Variants in MTUS2 observed in about 807,000 individuals in gnomAD.
The protein encoded by MTUS2 is microtubule associated scaffold protein 2, also known as microtubule-associated tumor suppressor candidate 2.
A neutral mutation model predicts 114.1 loss-of-function variants in MTUS2; 40 were observed. That is an observed-to-expected ratio of 0.35 (90% confidence interval 0.27 to 0.46). MTUS2 has a LOEUF of 0.46. Ranked by LOEUF, MTUS2 falls within the 20% of genes least tolerant of loss-of-function variation. MTUS2 has a pLI of 1.00. For synonymous variants in MTUS2, 688 were observed against 672.0 expected, an observed-to-expected ratio of 1.02 and a Z score of -0.37; for missense variants, 1,679 against 1,705.4, an observed-to-expected ratio of 0.98 and a Z score of 0.27.
intron 6 of MTUS2, chr13:29,307,862 C>T (rs1899548750): frequency 6.5e-6 from 4 of 613,940 alleles, no homozygotes; most frequent in Admixed American, 4.8e-5. Flanking sequence ...ACTTAGTCCC[C>T]CTCCACACTG....
intron 2 of MTUS2, among the ~76,000 whole-genome samples, chr13:28,894,329 G>GGGGGGA (rs1879130694): frequency 1.6e-5 from 1 of 60,870 alleles, no homozygotes; most frequent in Non-Finnish European, 3.0e-5. Flanking sequence ...AGGGAGGGAG[G>GGGGGGA]GAGAGAGAGA....
In MTUS2 at chr13:29,498,463, C is replaced by A. The variant is rs1882692328; in HGVS notation, c.3724C>A (p.Leu1242Met). 3.1e-6 allele frequency: 5 copies of A among 1,614,116 alleles called. No individual in the cohort carries two copies. The East Asian group carries it at 1.1e-4, about 36-fold the overall frequency. ...GCACTTGGAAGAAGACATGAAGAGT[C>A]TGAAGCAGGTATTAGAAATGAAGAA... ...YQHLEEDMKS[L>M]KQVLEMKNQQ... Residue 1242 changes from leucine (L) to methionine (M), a missense_variant, in exon 14 of 16, where the codon CTG (leucine) becomes ATG (methionine). Physicochemically the swap from Leu to Met is conservative, Grantham distance 15. Transcript: ENST00000612955.
At chr13:29,364,349 G>C (rs1870528882) in intron 8 of MTUS2, among the ~76,000 whole-genome samples, 1 of 152,290 alleles carries the variant, frequency 6.6e-6, no homozygotes, top group African/African-American at 2.4e-5. Context: ...GATGCCTGCT[G>C]TCTGCAGAGT....
At chr13:29,296,838 G>T (rs1898968677) in intron 6 of MTUS2, among the ~76,000 whole-genome samples, 1 of 151,968 alleles carries the variant, frequency 6.6e-6, no homozygotes. Context: ...TTTATATCCT[G>T]GATATTAATC....
chr13:29,102,353 G>T (rs1400429553), intron 5 of MTUS2, among the ~76,000 whole-genome samples: 1 of 152,132 alleles, frequency 6.6e-6, no homozygotes, highest in Admixed American at 6.5e-5. Context: ...AAGGAGTTAA[G>T]ATTTTGATGT....
At chr13:29,398,599 C>T (rs1874093075) in intron 8 of MTUS2, among the ~76,000 whole-genome samples, 1 of 151,554 alleles carries the variant, frequency 6.6e-6, no homozygotes, top group South Asian at 2.1e-4. Flanking sequence ...AAACTAAAAG[C>T]AAAAAATCTA....
intron 5 of MTUS2, among the ~76,000 whole-genome samples, chr13:29,183,747 A>C (rs1894103973): frequency 6.6e-6 from 1 of 152,204 alleles, no homozygotes; most frequent in Non-Finnish European, 1.5e-5. Context: ...AAATGAAAAC[A>C]AATTACTTAA....
intron 5 of MTUS2, among the ~76,000 whole-genome samples, chr13:29,135,861 G>A (rs983874912): frequency 5.3e-5 from 8 of 151,920 alleles, no homozygotes; most frequent in African/African-American, 1.5e-4. Context: ...ACAAAATTAC[G>A]TCTTTATTTG....
At chr13:28,903,029 A>G (rs986067806) in intron 2 of MTUS2, among the ~76,000 whole-genome samples, 21 of 152,110 alleles carry the variant, frequency 1.4e-4, no homozygotes, top group Non-Finnish European at 7.4e-5. Context: ...GATTTCTTTC[A>G]TATGGATTGA....
chr13:29,055,003 T>C (rs925857129), intron 4 of MTUS2, among the ~76,000 whole-genome samples: 1 of 152,126 alleles, frequency 6.6e-6, no homozygotes, highest in African/African-American at 2.4e-5. Context: ...AAGTATGGTC[T>C]GTGCTTATGT....
chr13:29,252,607 T>G (rs1205222424), intron 5 of MTUS2, among the ~76,000 whole-genome samples: 1 of 152,142 alleles, frequency 6.6e-6, no homozygotes, highest in Non-Finnish European at 1.5e-5. Context: ...CCCAAATCTC[T>G]TCTTGAATTT....
intron 7 of MTUS2, among the ~76,000 whole-genome samples, chr13:29,343,451 T>C (rs1451413239): frequency 1.3e-5 from 2 of 152,032 alleles, no homozygotes; most frequent in African/African-American, 4.8e-5. Flanking sequence ...TAAAGGTGTT[T>C]ATAGTAGCCT....
In MTUS2 at chr13:28,966,149, C is replaced by G. The variant is rs887497033; in HGVS notation, c.-242-58308C>G. On this transcript the variant is annotated intron_variant, in intron 2 of 15. Coordinates refer to ENST00000612955, the MANE Select transcript of MTUS2 (RefSeq NM_001033602.4). The stretch of plus-strand genomic sequence containing the variant: ...ATAATGAAAAGCTAGAGCCTTTAAT[C>G]ACGGGGTTATTTTATGATACCCTCC... 7.2e-5 allele frequency among the ~76,000 whole-genome samples: 11 copies of G among 152,244 alleles called. No homozygotes were observed. The East Asian group carries it at 1.5e-3, about 21-fold the overall frequency.
chr13:29,023,267 G>A (rs1487290709), intron 2 of MTUS2, among the ~76,000 whole-genome samples: 1 of 152,216 alleles, frequency 6.6e-6, no homozygotes, highest in African/African-American at 2.4e-5. Flanking sequence ...GGTGAGGTGG[G>A]GTTGAGGCCA....
At chr13:29,355,765 G>C (rs1337377935) in intron 7 of MTUS2, among the ~76,000 whole-genome samples, 10 of 152,296 alleles carry the variant, frequency 6.6e-5, no homozygotes, top group South Asian at 6.2e-4. Context: ...AGGTATTTCT[G>C]CTTGTATATT....
intron 2 of MTUS2, among the ~76,000 whole-genome samples, chr13:28,993,924 T>C (rs2138348544): frequency 6.6e-6 from 1 of 152,310 alleles, no homozygotes; most frequent in African/African-American, 2.4e-5. Context: ...TATTATACTT[T>C]AAGTTTTAGG....
chr13:29,433,359 G>A (rs1398958055), intron 8 of MTUS2, among the ~76,000 whole-genome samples: 1 of 152,206 alleles, frequency 6.6e-6, no homozygotes, highest in African/African-American at 2.4e-5. Flanking sequence ...TATTAAATGG[G>A]AAGGATACTT....
chr13:29,206,360 C>T (rs1895184591), intron 5 of MTUS2, among the ~76,000 whole-genome samples: 1 of 152,204 alleles, frequency 6.6e-6, no homozygotes, highest in Admixed American at 6.5e-5. Flanking sequence ...TGTGGGTTGT[C>T]TGTTCACTCT....
At chr13:29,014,833 C>G (rs952376284) in intron 2 of MTUS2, among the ~76,000 whole-genome samples, 1 of 152,194 alleles carries the variant, frequency 6.6e-6, no homozygotes, top group Non-Finnish European at 1.5e-5. Context: ...ATGTTCCCCT[C>G]GCTGCCACGT....
Sources: gnomAD v4.1 joint callset for allele counts (sites outside exome capture counted in the v4.1 genomes callset) on GRCh38, gnomAD v4.1.1 for gene constraint, MANE v1.5 for transcripts, NCBI Gene and HGNC (gene_info 2026-07-23, HGNC 2026-07-21) for gene names.